C1orf159: variants seen among roughly 807,000 people sequenced by gnomAD.
C1orf159 encodes the protein chromosome 1 open reading frame 159.
Under a neutral mutation model 25.6 loss-of-function variants are expected in C1orf159, and 19 were observed. The observed-to-expected ratio is 0.74, with a 90% confidence interval of 0.52 to 1.09. The LOEUF (loss-of-function observed/expected upper bound fraction) is 1.09. Among genes scored for constraint, C1orf159 ranks in the 50% least tolerant of loss-of-function variants. The pLI is 0.00. For missense variants in C1orf159, 274 were observed against 290.6 expected (o/e 0.94, Z 0.42); for synonymous variants, 139 against 124.7 (o/e 1.12, Z -0.77).
chr1:1,085,959 C>T lies in C1orf159; in HGVS notation c.364G>A (p.Gly122Ser), dbSNP rs755960039. Residue 122 changes from glycine to serine, a missense_variant, in exon 7 of 10, where the codon GGC becomes AGC. Coordinates refer to ENST00000421241, the MANE Select transcript of C1orf159 (RefSeq NM_017891.5). ...LFLGTFFISS[G>S]LILSVAGFFY... ...AACCCAGCTACGGAGAGGATGAGGC[C>T]GGAGCTAATGAAGAACGTGCCCAGG... is the stretch of plus-strand genomic sequence containing the variant. The T allele has an allele frequency of 7.4e-6, 12 of 1,613,298 alleles. No individual in the cohort carries two copies. The highest frequency in any genetic ancestry group is 4.5e-5 in the East Asian group (2 of 44,886).
chr1:1,086,005 C>T lies in C1orf159; in HGVS notation c.318G>A (p.Pro106=), dbSNP rs962964086. Residue 106 remains proline (P), a synonymous_variant, in exon 7 of 10, where the codon CCG becomes CCA. Transcript: ENST00000421241. The part of the protein sequence containing the change: ...GTPGRPHPGA[P]RVAASLFLGT... ...CCAGGAAGAGGGAGGCGGCCACGCG[C>T]GGAGCCCCTGCAAACAGACACCGCT... The T allele has an allele frequency of 5.6e-6, 9 of 1,612,706 alleles. No homozygotes were observed. In the East Asian group the frequency reaches 6.7e-5, roughly 12 times the overall value.
In C1orf159 at chr1:1,089,440, CCT is replaced by C. The variant is rs1452827213; in HGVS notation, c.148+911_148+912del. ...CAAGGTGCTCAGCTTCCTCCCAGCC[CCT>C]CTGTTCTCCCTCAGAGCGGTGCCCT... On this transcript the variant is annotated intron_variant, in intron 4 of 9. Transcript: ENST00000421241. This position sits in a 1 kb window ranked among gnomAD's most constrained non-coding sequence, Gnocchi z 7.5. Among the ~76,000 whole-genome samples, 6 of 152,126 alleles carry C rather than the reference CCT, an allele frequency of 3.9e-5. No individual in the cohort carries two copies. In the South Asian group the frequency reaches 6.2e-4, roughly 16 times the overall value.
At chr1:1,090,586 G>A (rs538712329) in intron 3 of C1orf159, 158 bp from the exon 4 acceptor site, 22 of 793,202 alleles carry the variant, frequency 2.8e-5, no homozygotes, top group East Asian at 2.7e-4. Flanking sequence ...TCCCCTGTGG[G>A]CCTGGGAGCA....
Position 1,110,319 on chromosome 1 carries a change from G to A in C1orf159, c.-136+5741C>T, listed in dbSNP as rs949411769. Among the ~76,000 whole-genome samples, 18 of 152,248 alleles carry A rather than the reference G, an allele frequency of 1.2e-4. No homozygotes were observed. Among genetic ancestry groups the A allele is most frequent in the Admixed American group, 7.8e-4 (12 of 15,292 alleles). On this transcript the variant is annotated intron_variant, in intron 1 of 9. Transcript: ENST00000421241. The surrounding 1 kb of genome is among the most constrained non-coding windows in gnomAD (Gnocchi z 4.8). ...TGACCAAGAGGGAGCTCGTTCAGTC[G>A]GCGGGGGACTTAGGATTTTATTCTT...
At chr1:1,091,035 T>C (rs1486582047) in intron 3 of C1orf159, 96 of 1,415,166 alleles carry the variant, frequency 6.8e-5, no homozygotes, top group Non-Finnish European at 8.8e-5. Context: ...GAGTGCGGGA[T>C]AGAATCCACA....
At chr1:1,093,808 C>T (rs1645973811) in intron 1 of C1orf159, among the ~76,000 whole-genome samples, 1 of 152,190 alleles carries the variant, frequency 6.6e-6, no homozygotes, top group African/African-American at 2.4e-5. Flanking sequence ...CTCTTGGGAG[C>T]AGAGTGGCTG....
At position 1,110,584 on chromosome 1, in the gene C1orf159, G is replaced by A. The variant is rs931346719; in HGVS notation, c.-136+5476C>T. On this transcript the variant is annotated intron_variant, in intron 1 of 9. Coordinates refer to ENST00000421241, the MANE Select transcript of C1orf159 (RefSeq NM_017891.5). This position sits in a 1 kb window ranked among gnomAD's most constrained non-coding sequence, Gnocchi z 4.8. ...GGGAAATGCAAACTAAAGCCTCCAC[G>A]ACCAAACGGCACTCAGCCTCTCGGC... Among the ~76,000 whole-genome samples the A allele has an allele frequency of 4.6e-5, 7 of 152,078 alleles. No individual in the cohort carries two copies. Among genetic ancestry groups the A allele is most frequent in the Admixed American group, 3.3e-4 (5 of 15,266 alleles).
intron 3 of C1orf159, 114 bp from the exon 4 acceptor site, chr1:1,090,542 G>A (rs1645912339): frequency 8.9e-7 from 1 of 1,120,286 alleles, no homozygotes; most frequent in South Asian, 1.4e-5. Flanking sequence ...CGCAGCTCCG[G>A]CCTCTTCTGG....
intron 7 of C1orf159, chr1:1,085,437 C>T (rs998168780): frequency 2.1e-5 from 6 of 288,426 alleles, no homozygotes; most frequent in South Asian, 2.9e-5. Flanking sequence ...ACCGTGTGTA[C>T]GGCGTGGCGT....
intron 6 of C1orf159, among the ~76,000 whole-genome samples, chr1:1,086,659 C>G (rs1031378266): frequency 6.6e-6 from 1 of 152,268 alleles, no homozygotes; most frequent in Non-Finnish European, 1.5e-5. Context: ...GCCAACCCCA[C>G]CCTAAAACAC....
chr1:1,109,878 G>A (rs1646234217), intron 1 of C1orf159, among the ~76,000 whole-genome samples: 1 of 152,214 alleles, frequency 6.6e-6, no homozygotes, highest in African/African-American at 2.4e-5. Context: ...CCATAGACCA[G>A]CAGAACCAGT....
intron 1 of C1orf159, chr1:1,106,639 C>T (rs935988039): frequency 2.0e-5 from 3 of 152,188 alleles, no homozygotes; most frequent in Non-Finnish European, 2.9e-5. Flanking sequence ...ATGCTAGCAG[C>T]CCTCACTCAC....
At chr1:1,103,354 T>A (rs1299130190) in intron 1 of C1orf159, among the ~76,000 whole-genome samples, 1 of 152,238 alleles carries the variant, frequency 6.6e-6, no homozygotes, top group Non-Finnish European at 1.5e-5. Context: ...CGAGAATGGC[T>A]CACATTTTCC....
At chr1:1,094,682 G>A (rs920912159) in intron 1 of C1orf159, among the ~76,000 whole-genome samples, 2 of 152,220 alleles carry the variant, frequency 1.3e-5, no homozygotes, top group Non-Finnish European at 2.9e-5. Flanking sequence ...TTACAGGCAT[G>A]AGCCACCTTG....
At chr1:1,102,930 AGT>A (rs1241034669) in intron 1 of C1orf159, among the ~76,000 whole-genome samples, 6 of 151,352 alleles carry the variant, frequency 4.0e-5, no homozygotes, top group Non-Finnish European at 7.4e-5. Context: ...CCTGGGCTCA[AGT>A]GATTCTTTGC....
chr1:1,084,437 C>T, intron 8 of C1orf159, 44 bp downstream of exon 8: 3 of 1,579,704 alleles, frequency 1.9e-6, no homozygotes, highest in Non-Finnish European at 2.6e-6. Context: ...GGCACAGGCA[C>T]ACGCGGCCAG....
chr1:1,087,025 T>G lies in C1orf159; in HGVS notation c.310+114A>C. ...GCTGCCACGCTCCCCTCTGGCTGTT[T>G]TGCAGAACCCTGAGCCTGCTGTGGC... is the stretch of plus-strand genomic sequence containing the variant. On this transcript the variant is annotated intron_variant, in intron 6 of 9. Transcript: ENST00000421241. This position sits in a 1 kb window ranked among gnomAD's most constrained non-coding sequence, Gnocchi z 8.3. 1.8e-6 allele frequency: 2 copies of G among 1,119,650 alleles called. No individual in the cohort carries two copies. Among genetic ancestry groups the G allele is most frequent in the Non-Finnish European group, 1.3e-6 (1 of 777,024 alleles). The allele number at this position is 1,119,650 out of a possible 1,614,324, so 69.4% of individuals were successfully genotyped here. A position where few individuals can be genotyped will look rare whatever the true frequency, so the allele number is the denominator to read the frequency against.
At chr1:1,084,061 G>C in intron 9 of C1orf159, 1 of 1,609,206 alleles carries the variant, frequency 6.2e-7, no homozygotes, top group South Asian at 1.1e-5. Context: ...GTCGTGGTGG[G>C]TCCTCCTTTC....
chr1:1,108,172 A>C (rs113256966), intron 1 of C1orf159, among the ~76,000 whole-genome samples: 1 of 126,740 alleles, frequency 7.9e-6, no homozygotes, highest in Admixed American at 7.8e-5. Context: ...ACCATGTCTC[A>C]GCACCGTTCA....
Sources: allele counts gnomAD v4.1 joint callset (sites outside exome capture counted in the v4.1 genomes callset), GRCh38; gene constraint gnomAD v4.1.1; non-coding constraint Gnocchi (gnomAD v3.1); transcripts MANE v1.5; gene names NCBI Gene and HGNC (gene_info 2026-07-23, HGNC 2026-07-21).